CTNNA2: variants seen among roughly 807,000 people sequenced by gnomAD.
The protein encoded by CTNNA2 is catenin alpha-2.
CTNNA2 carries 42 observed loss-of-function variants against 101.0 expected under a neutral mutation model. The observed-to-expected ratio is 0.42, with a 90% CI of 0.32 to 0.54. The LOEUF is 0.54. CTNNA2 is among the 20% of genes least tolerant of loss of function. The probability of loss-of-function intolerance (pLI) is 0.14; values close to 1 mark genes in which losing one functional copy is unlikely to be tolerated. For missense variants in CTNNA2, 871 were observed against 1,223.1 expected (o/e 0.71, Z 4.29); for synonymous variants, 450 against 456.4 (o/e 0.99, Z 0.18).
rs138848470 is a variant in CTNNA2 at position 79,965,445 on chromosome 2, A to G, written c.1056+55648A>G. Among the ~76,000 whole-genome samples, 1,413 of 152,336 alleles carry G rather than the reference A, an allele frequency of 9.3e-3. 14 individuals are homozygous for G. Among genetic ancestry groups the G allele is most frequent in the Middle Eastern group, 0.02 (6 of 294 alleles). Reference sequence around the variant, plus strand: ...ACCATAAAAATTTGACATATTGAACATGACTTTACAGACTTTAGTCTCTAA... The same window carrying G: ...ACCATAAAAATTTGACATATTGAACGTGACTTTACAGACTTTAGTCTCTAA... On this transcript the variant is annotated intron_variant, in intron 7 of 18. Coordinates refer to ENST00000402739, the MANE Select transcript of CTNNA2 (RefSeq NM_001282597.3).
chr2:80,161,132 C>A (rs1444045420), intron 7 of CTNNA2, among the ~76,000 whole-genome samples: 1 of 152,014 alleles, frequency 6.6e-6, no homozygotes, highest in Non-Finnish European at 1.5e-5. Context: ...GAAACCTCCC[C>A]GCCTCCTGGA....
intron 3 of CTNNA2, among the ~76,000 whole-genome samples, chr2:79,771,743 T>C (rs1166897891): frequency 1.3e-5 from 2 of 152,170 alleles, no homozygotes; most frequent in African/African-American, 2.4e-5. Flanking sequence ...GAAGCTTGGC[T>C]CACTTGCCTG....
intron 7 of CTNNA2, among the ~76,000 whole-genome samples, chr2:80,105,432 G>A (rs538878128): frequency 6.6e-6 from 1 of 152,322 alleles, no homozygotes; most frequent in East Asian, 1.9e-4. Context: ...CACTGTTAAA[G>A]ACTTAACTTG....
intron 9 of CTNNA2, among the ~76,000 whole-genome samples, chr2:80,429,286 A>G (rs1681271077): frequency 6.6e-6 from 1 of 152,204 alleles, no homozygotes; most frequent in African/African-American, 2.4e-5. Context: ...ACCTTATTTA[A>G]TGCTTCTGAC....
chr2:80,608,428 G>C (rs1005481984), intron 17 of CTNNA2, 110 bp downstream of exon 17: 11 of 1,162,728 alleles, frequency 9.5e-6, no homozygotes, highest in Non-Finnish European at 1.3e-5. Context: ...GATTTATAGG[G>C]AGGGCTTTTT....
intron 7 of CTNNA2, among the ~76,000 whole-genome samples, chr2:80,281,737 A>T (rs1443732729): frequency 6.6e-6 from 1 of 152,066 alleles, no homozygotes; most frequent in Admixed American, 6.6e-5. Flanking sequence ...ATTATAGTTT[A>T]AAAATTACTA....
intron 7 of CTNNA2, among the ~76,000 whole-genome samples, chr2:80,175,209 C>G (rs916236713): frequency 3.4e-4 from 52 of 152,158 alleles, no homozygotes; most frequent in African/African-American, 1.2e-3. Flanking sequence ...CAGATCCCAC[C>G]TCAACCATTC....
chr2:80,573,748 G>A (rs1311462358), intron 12 of CTNNA2, among the ~76,000 whole-genome samples: 2 of 152,252 alleles, frequency 1.3e-5, no homozygotes, highest in African/African-American at 4.8e-5. Context: ...ACTGAATCAC[G>A]AAGTAGAATT....
intron 7 of CTNNA2, among the ~76,000 whole-genome samples, chr2:80,036,757 G>A (rs1695679634): frequency 6.6e-6 from 1 of 151,786 alleles, no homozygotes; most frequent in Admixed American, 6.6e-5. Context: ...CACTGAGGAT[G>A]TAAAGAAAAA....
At chr2:79,902,774 G>A (rs528135118) in intron 6 of CTNNA2, among the ~76,000 whole-genome samples, 92 of 152,108 alleles carry the variant, frequency 6.0e-4, no homozygotes, top group Non-Finnish European at 1.1e-3. Flanking sequence ...TTACAGGTGT[G>A]TGCCACCATG....
intron 7 of CTNNA2, among the ~76,000 whole-genome samples, chr2:80,001,795 A>T (rs1052684355): frequency 6.6e-6 from 1 of 152,200 alleles, no homozygotes; most frequent in Admixed American, 6.5e-5. Context: ...TGCTGTCGTC[A>T]TCTGTCCTAC....
At chr2:79,507,094 T>A (rs1671429365) in intron 5 of CTNNA2, among the ~76,000 whole-genome samples, 1 of 152,212 alleles carries the variant, frequency 6.6e-6, no homozygotes. Context: ...TATGGTTAAT[T>A]CAGCAATTGA....
At chr2:79,192,152 G>A (rs1021891988) in intron 1 of CTNNA2, among the ~76,000 whole-genome samples, 1 of 151,980 alleles carries the variant, frequency 6.6e-6, no homozygotes, top group Non-Finnish European at 1.5e-5. Context: ...GGGAGGGAGG[G>A]GGTGTAACGA....
intron 2 of CTNNA2, among the ~76,000 whole-genome samples, chr2:79,280,663 AAG>A (rs1221321835): frequency 1.0e-4 from 5 of 49,314 alleles, no homozygotes; most frequent in African/African-American, 9.1e-5. Flanking sequence ...GTGTAAGAGA[AAG>A]AGAGAGAGAG....
At chr2:80,247,735 AT>A (rs914767325) in intron 7 of CTNNA2, among the ~76,000 whole-genome samples, 21 of 151,160 alleles carry the variant, frequency 1.4e-4, no homozygotes, top group Admixed American at 1.2e-3. Flanking sequence ...TTCTGAATGA[AT>A]TTTTTTTTGG....
intron 18 of CTNNA2, among the ~76,000 whole-genome samples, chr2:80,626,249 T>C (rs904244256): frequency 6.6e-6 from 1 of 152,066 alleles, no homozygotes; most frequent in Non-Finnish European, 1.5e-5. Context: ...CTGTCTGTAG[T>C]TCAGGGAGAG....
At chr2:79,320,955 C>T (rs1199982816) in intron 3 of CTNNA2, among the ~76,000 whole-genome samples, 1 of 152,170 alleles carries the variant, frequency 6.6e-6, no homozygotes, top group African/African-American at 2.4e-5. Flanking sequence ...GTGTGTTTAA[C>T]TTGAATGTAA....
rs1478537876 is a variant in CTNNA2 at position 80,409,056 on chromosome 2, G to A, written c.1138-10393G>A. Among the ~76,000 whole-genome samples, 4 of 152,142 alleles carry A rather than the reference G, an allele frequency of 2.6e-5. No individual in the cohort carries two copies. In the East Asian group the frequency reaches 7.7e-4, roughly 29 times the overall value. Reference sequence around the variant, plus strand: ...TGCACAGGATTATTATTAAAAATAAGCAGCCAGAAACTGAGTAGACCCTTC... The same window carrying A: ...TGCACAGGATTATTATTAAAAATAAACAGCCAGAAACTGAGTAGACCCTTC... On this transcript the variant is annotated intron_variant, in intron 8 of 18. Transcript: ENST00000402739.
intron 2 of CTNNA2, among the ~76,000 whole-genome samples, chr2:79,707,525 C>T (rs1004657463): frequency 2.0e-5 from 3 of 152,306 alleles, no homozygotes; most frequent in East Asian, 1.9e-4. Context: ...CCTGCATTGG[C>T]ATACTTTTTA....
Sources: gnomAD v4.1 joint callset for allele counts (sites outside exome capture counted in the v4.1 genomes callset) on GRCh38, gnomAD v4.1.1 for gene constraint, MANE v1.5 for transcripts, NCBI Gene and HGNC (gene_info 2026-07-23, HGNC 2026-07-21) for gene names.